PHTF2: variants seen among roughly 807,000 people sequenced by gnomAD.
PHTF2 encodes the protein protein PHTF2.
Under a neutral mutation model 101.2 loss-of-function variants are expected in PHTF2, and 60 were observed. That is an observed-to-expected ratio of 0.59 (90% CI 0.48 to 0.73). PHTF2 has a LOEUF of 0.73. Ranked by LOEUF, PHTF2 falls within the 30% of genes least tolerant of loss-of-function variation. The probability of loss-of-function intolerance (pLI) is 0.00; values close to 1 mark genes in which losing one functional copy is unlikely to be tolerated. For synonymous variants in PHTF2, 311 were observed against 307.3 expected, an observed-to-expected ratio of 1.01 and a Z score of -0.13; for missense variants, 747 against 908.7, an observed-to-expected ratio of 0.82 and a Z score of 2.29.
chr7:77,930,353 A>G (rs1447998037), intron 12 of PHTF2, among the ~76,000 whole-genome samples: 1 of 152,126 alleles, frequency 6.6e-6, no homozygotes, highest in East Asian at 1.9e-4. Context: ...TGTCCCACCA[A>G]TACCTCAAAT....
chr7:77,913,656 C>T lies in PHTF2; in HGVS notation c.776+3247C>T, dbSNP rs573463318. On this transcript the variant is annotated intron_variant, in intron 9 of 19. Transcript: ENST00000416283. The stretch of plus-strand genomic sequence containing the variant: ...GGAATTACAGCTCTCACTATGTTGC[C>T]AAGGCTGGTCTCAAACTCGTGGGCT... 2.0e-4 allele frequency among the ~76,000 whole-genome samples: 30 copies of T among 152,192 alleles called. 2 individuals carry two copies. In the South Asian group the frequency reaches 6.0e-3, roughly 31 times the overall value.
chr7:77,861,240 C>T (rs1419073916), intron 3 of PHTF2, among the ~76,000 whole-genome samples: 1 of 151,672 alleles, frequency 6.6e-6, no homozygotes, highest in Non-Finnish European at 1.5e-5. Flanking sequence ...CTTTGAAGTA[C>T]TTTGTTTTCA....
chr7:77,951,495 G>A (rs192361573), intron 17 of PHTF2, 122 bp from the exon 17 acceptor site: 123 of 503,020 alleles, frequency 2.4e-4, no homozygotes, highest in African/African-American at 2.2e-3. Context: ...GGAATATATA[G>A]TATAAAGACT....
chr7:77,909,153 G>T (rs1260005492), intron 8 of PHTF2, 195 bp downstream of exon 7: 5 of 437,576 alleles, frequency 1.1e-5, no homozygotes, highest in African/African-American at 6.2e-5. Flanking sequence ...AAGACCACAT[G>T]CCTGTGTTTT....
chr7:77,865,772 GT>G (rs2150692342), intron 3 of PHTF2, among the ~76,000 whole-genome samples: 1 of 152,216 alleles, frequency 6.6e-6, no homozygotes, highest in African/African-American at 2.4e-5. Flanking sequence ...AATTTATATA[GT>G]TTTTTATTCT....
chr7:77,832,976 C>T (rs768378733), intron 1 of PHTF2, among the ~76,000 whole-genome samples: 6 of 151,956 alleles, frequency 3.9e-5, no homozygotes, highest in Non-Finnish European at 7.4e-5. Flanking sequence ...TAGATAATAA[C>T]TAATAATAAA....
chr7:77,824,115 G>A (rs969229674), intron 1 of PHTF2, among the ~76,000 whole-genome samples: 2 of 152,090 alleles, frequency 1.3e-5, no homozygotes, highest in Non-Finnish European at 2.9e-5. Context: ...TAATTATTGA[G>A]TGGTTTCTGT....
intron 11 of PHTF2, chr7:77,923,212 AT>A: frequency 2.2e-6 from 2 of 906,482 alleles, no homozygotes; most frequent in South Asian, 5.1e-5. Context: ...CTTTGTTTCT[AT>A]TTTTCCTTAT....
intron 18 of PHTF2, among the ~76,000 whole-genome samples, chr7:77,952,505 T>C (rs1806639251): frequency 6.6e-6 from 1 of 152,206 alleles, no homozygotes; most frequent in African/African-American, 2.4e-5. Context: ...TTCAAATCCC[T>C]TTAATTATCC....
chr7:77,861,369 G>A (rs1797628354), intron 3 of PHTF2, among the ~76,000 whole-genome samples: 1 of 152,160 alleles, frequency 6.6e-6, no homozygotes, highest in African/African-American at 2.4e-5. Flanking sequence ...ATTCTACATG[G>A]TAATTTTGAG....
chr7:77,941,194 C>G (rs1246756752), intron 15 of PHTF2, among the ~76,000 whole-genome samples: 3 of 152,182 alleles, frequency 2.0e-5, no homozygotes, highest in Non-Finnish European at 2.9e-5. Context: ...CAATCATCCT[C>G]TGACATACCT....
intron 3 of PHTF2, among the ~76,000 whole-genome samples, chr7:77,889,794 T>C (rs1036437558): frequency 1.3e-5 from 2 of 151,964 alleles, no homozygotes; most frequent in Admixed American, 6.6e-5. Flanking sequence ...AGAGACAGGG[T>C]TTCACTGTGT....
intron 3 of PHTF2, among the ~76,000 whole-genome samples, chr7:77,884,723 C>G (rs1799681828): frequency 6.6e-6 from 1 of 151,972 alleles, no homozygotes. Flanking sequence ...ATGGTCAAAC[C>G]CCGTCTTTAC....
chr7:77,893,536 A>G (rs1800623769), intron 3 of PHTF2, 72 bp from the exon 3 acceptor site: 1 of 647,478 alleles, frequency 1.5e-6, no homozygotes. Flanking sequence ...AGTTGCTTGT[A>G]TTTCAAGCAG....
intron 2 of PHTF2, among the ~76,000 whole-genome samples, chr7:77,849,998 T>G (rs745361011): frequency 5.4e-5 from 5 of 91,816 alleles, no homozygotes; most frequent in Non-Finnish European, 1.0e-4. Flanking sequence ...ACCTTGTATT[T>G]CCTTCTTGTC....
chr7:77,804,765 CCA>C (rs796183948), intron 1 of PHTF2, among the ~76,000 whole-genome samples: 37 of 152,252 alleles, frequency 2.4e-4, no homozygotes, highest in African/African-American at 8.2e-4. Flanking sequence ...ATGCCTCGTC[CCA>C]ACACCCACAA....
At chr7:77,871,097 G>A (rs555242095) in intron 3 of PHTF2, among the ~76,000 whole-genome samples, 12 of 151,994 alleles carry the variant, frequency 7.9e-5, no homozygotes, top group Non-Finnish European at 1.5e-4. Context: ...TATTCCCTTG[G>A]CCTTCAGCAA....
At chr7:77,819,582 T>G (rs753743758) in intron 1 of PHTF2, among the ~76,000 whole-genome samples, 1 of 152,188 alleles carries the variant, frequency 6.6e-6, no homozygotes, top group Non-Finnish European at 1.5e-5. Flanking sequence ...TCAGATAAAT[T>G]CCCCTGAATC....
intron 15 of PHTF2, among the ~76,000 whole-genome samples, chr7:77,941,769 C>G (rs1805659005): frequency 6.6e-6 from 1 of 152,190 alleles, no homozygotes; most frequent in Non-Finnish European, 1.5e-5. Flanking sequence ...TTACCTCTTA[C>G]CTGGCATTCC....
Sources: gnomAD v4.1 joint callset for allele counts (sites outside exome capture counted in the v4.1 genomes callset) on GRCh38, gnomAD v4.1.1 for gene constraint, MANE v1.5 for transcripts, NCBI Gene and HGNC (gene_info 2026-07-23, HGNC 2026-07-21) for gene names.